Variants in LALBA observed in about 807,000 individuals in gnomAD.
LALBA encodes alpha-lactalbumin.
LALBA carries 12 observed loss-of-function variants against 13.4 expected under a neutral mutation model. That is an observed-to-expected ratio of 0.89 (90% CI 0.57 to 1.45). The LOEUF is 1.45. LALBA is among the 40% of genes most tolerant of loss of function. The pLI is 0.00. For synonymous variants in LALBA, 64 were observed against 61.0 expected (o/e 1.05, Z -0.23); for missense variants, 145 against 165.9 (o/e 0.87, Z 0.69).
In LALBA at chr12:48,569,121, C is replaced by G. The variant is rs1938601505; in HGVS notation, c.253G>C (p.Val85Leu). The G allele has an allele frequency of 2.5e-6, 4 of 1,613,422 alleles. No individual in the cohort carries two copies. The Admixed American group carries it at 6.7e-5, about 27-fold the overall frequency. The change falls in exon 2 of 4, where the codon GTC becomes CTC. Residue 85 changes from valine to leucine, a missense_variant. Val to Leu is a conservative substitution (Grantham distance 32, BLOSUM62 1). Transcript: ENST00000301046. The stretch of plus-strand genomic sequence containing the variant: ...TCACAGATGTTCCTTGACTGAGGGA[C>G]CTGGCTGCTCTTGCACCAAAGCTTA... ...SNKLWCKSSQ[V>L]PQSRNICDIS...
chr12:48,568,360 G>A (rs1045350712), intron 3 of LALBA, 157 bp downstream of exon 3: 1 of 652,628 alleles, frequency 1.5e-6, no homozygotes, highest in South Asian at 1.8e-5. Context: ...GAGCGAGAGA[G>A]GCTTAATAAC....
At chr12:48,570,395 A>T (rs755941335), upstream of LALBA, among the ~76,000 whole-genome samples, 5 of 152,132 alleles carry the variant, frequency 3.3e-5, no homozygotes, top group Non-Finnish European at 7.4e-5. Flanking sequence ...AAGTGAGGCA[A>T]TCAGAAAATA....
upstream of LALBA, among the ~76,000 whole-genome samples, chr12:48,571,386 CTTTTTTTTT>C (rs60444004): frequency 1.0e-5 from 1 of 98,056 alleles, no homozygotes; most frequent in South Asian, 3.6e-4. Flanking sequence ...CTTCTTCTTC[CTTTTTTTTT>C]TTTTTTTTTG....
upstream of LALBA, chr12:48,570,176 A>G: frequency 1.4e-6 from 1 of 736,478 alleles, no homozygotes; most frequent in Non-Finnish European, 2.2e-6. Context: ...TGAGCCTGCC[A>G]GCTTCCTTCC....
At chr12:48,571,758 C>T (rs1938637005), upstream of LALBA, among the ~76,000 whole-genome samples, 1 of 152,094 alleles carries the variant, frequency 6.6e-6, no homozygotes, top group Admixed American at 6.6e-5. Flanking sequence ...TCTTCCATAT[C>T]GTTATCTCCT....
chr12:48,570,902 A>G (rs1307475843), upstream of LALBA, among the ~76,000 whole-genome samples: 5 of 150,960 alleles, frequency 3.3e-5, no homozygotes, highest in Non-Finnish European at 1.5e-5. Flanking sequence ...ACTTGAGCAC[A>G]GGAGGTCGAG....
intron 2 of LALBA, among the ~76,000 whole-genome samples, chr12:48,568,857 A>G (rs528578130): frequency 2.6e-5 from 4 of 152,334 alleles, no homozygotes; most frequent in African/African-American, 7.2e-5. Context: ...AGACTCTCAG[A>G]CAGCTCCGAT....
At chr12:48,568,262 T>C in intron 3 of LALBA, 2 of 603,990 alleles carry the variant, frequency 3.3e-6, no homozygotes, top group East Asian at 2.8e-5. Context: ...ACAAGTGGAA[T>C]TAGATGTCCA....
At chr12:48,568,304 C>G in intron 3 of LALBA, 1 of 606,720 alleles carries the variant, frequency 1.6e-6, no homozygotes, top group East Asian at 2.8e-5. Context: ...GGGTCTGAGC[C>G]CTCCATTAGG....
chr12:48,569,085 C>A lies in LALBA; in HGVS notation c.289G>T (p.Asp97Tyr). The change falls in exon 2 of 4, where the codon GAC becomes TAC. Residue 97 changes from aspartate to tyrosine, a missense_variant. Coordinates refer to ENST00000301046, the MANE Select transcript of LALBA (RefSeq NM_002289.3). ...QSRNICDISC[D>Y]KFLDDDITDD... is the part of the protein sequence containing the mutation. The stretch of plus-strand genomic sequence containing the variant: ...GAGGGTTATAGGGGCTACTCACTGT[C>A]ACAGGAGATGTCACAGATGTTCCTT... The A allele has an allele frequency of 1.2e-6, 2 of 1,609,418 alleles. No individual in the cohort carries two copies. Among genetic ancestry groups the A allele is most frequent in the South Asian group, 2.2e-5 (2 of 90,102 alleles).
intron 2 of LALBA, among the ~76,000 whole-genome samples, 184 bp from the exon 3 acceptor site, chr12:48,568,776 T>C (rs1196934250): frequency 2.0e-5 from 3 of 152,190 alleles, no homozygotes; most frequent in African/African-American, 2.4e-5. Flanking sequence ...TTCATTTCCC[T>C]GGGATATCTC....
At chr12:48,569,302 T>C (rs1938604141) in intron 1 of LALBA, 62 bp from the exon 2 acceptor site, 2 of 1,409,130 alleles carry the variant, frequency 1.4e-6, no homozygotes, top group Middle Eastern at 1.8e-4. Context: ...AAGGAGGAAC[T>C]GTAATTCTCA....
chr12:48,567,868 G>A lies in LALBA; in HGVS notation c.*89C>T. 9.1e-7 allele frequency: 1 copy of A among 1,095,736 alleles called. No homozygotes were observed. Among genetic ancestry groups the A allele is most frequent in the Non-Finnish European group, 1.4e-6 (1 of 731,922 alleles). The allele number at this position is 1,095,736 out of a possible 1,614,324, so 67.9% of individuals were successfully genotyped here. A position where few individuals can be genotyped will look rare whatever the true frequency, so the allele number is the denominator to read the frequency against. ...AGGCTCAGAGACAGATAAGCTTTGG[G>A]GGAACAGAAAGAAACAAACTGAGGT... On this transcript the variant is annotated 3_prime_UTR_variant, in exon 4 of 4. Coordinates refer to ENST00000301046, the MANE Select transcript of LALBA (RefSeq NM_002289.3).
At position 48,568,557 on chromosome 12, in the gene LALBA, A is replaced by T. The variant is rs1406322466; in HGVS notation, c.328T>A (p.Cys110Ser). The T allele has an allele frequency of 6.2e-7, 1 of 1,600,702 alleles. No individual in the cohort carries two copies. Among genetic ancestry groups the T allele is most frequent in the African/African-American group, 1.3e-5 (1 of 74,412 alleles). The change falls in exon 3 of 4, where the codon TGT (cysteine) becomes AGT (serine). Residue 110 changes from cysteine to serine, a missense_variant. Physicochemically the swap from Cys to Ser is moderately radical, Grantham distance 112. Transcript: ENST00000301046. ...TTAATATCCAGGATCTTCTTGGCAC[A>T]CATTATGTCATCAGTAATGTCATCA... is the stretch of plus-strand genomic sequence containing the variant. ...LDDDITDDIM[C>S]AKKILDIKGI...
upstream of LALBA, among the ~76,000 whole-genome samples, chr12:48,571,759 G>A (rs1453643608): frequency 3.3e-5 from 5 of 152,030 alleles, no homozygotes; most frequent in Non-Finnish European, 5.9e-5. Flanking sequence ...CTTCCATATC[G>A]TTATCTCCTA....
At chr12:48,569,262 G>A (rs368142203) in intron 1 of LALBA, 22 bp from the exon 2 acceptor site, 6 of 1,597,000 alleles carry the variant, frequency 3.8e-6, no homozygotes, top group Non-Finnish European at 5.1e-6. Context: ...ATGAGAAAGA[G>A]ATACCACAGA....
intron 3 of LALBA, chr12:48,568,293 T>G (rs1334645939): frequency 1.2e-5 from 7 of 605,038 alleles, no homozygotes; most frequent in African/African-American, 1.9e-5. Flanking sequence ...AAAGGAGGCC[T>G]GGGTCTGAGC....
intron 2 of LALBA, 88 bp downstream of exon 2, chr12:48,568,994 G>T: frequency 1.7e-6 from 2 of 1,154,810 alleles, no homozygotes; most frequent in Non-Finnish European, 2.5e-6. Context: ...AGGCAATGAA[G>T]CCTGAGGTCT....
At chr12:48,571,386 CTTTTTT>C (rs60444004), upstream of LALBA, among the ~76,000 whole-genome samples, 16 of 98,032 alleles carry the variant, frequency 1.6e-4, no homozygotes, top group South Asian at 4.0e-3. Context: ...CTTCTTCTTC[CTTTTTT>C]TTTTTTTTTT....
Sources: allele counts gnomAD v4.1 joint callset (sites outside exome capture counted in the v4.1 genomes callset), GRCh38; gene constraint gnomAD v4.1.1; transcripts MANE v1.5; gene names NCBI Gene and HGNC (gene_info 2026-07-23, HGNC 2026-07-21).